NALF1: variants seen among roughly 807,000 people sequenced by gnomAD.
NALF1 encodes the protein NALCN channel auxiliary factor 1.
In NALF1, 3 loss-of-function variants were observed where a neutral mutation model predicts 48.4. The ratio of observed to expected loss-of-function variants is 0.06; its 90% CI spans 0.03 to 0.16. The LOEUF (loss-of-function observed/expected upper bound fraction) is 0.16. NALF1 is among the 10% of genes least tolerant of loss of function. The pLI is 1.00. For missense variants in NALF1, 526 were observed against 571.5 expected, an observed-to-expected ratio of 0.92 and a Z score of 0.81; for synonymous variants, 262 against 245.7, an observed-to-expected ratio of 1.07 and a Z score of -0.62.
rs563919548 is a variant in NALF1 at position 107,783,709 on chromosome 13, C to T, written c.915+81973G>A. 2.3e-3 allele frequency among the ~76,000 whole-genome samples: 343 copies of T among 151,760 alleles called. 4 individuals carry two copies. The highest frequency in any genetic ancestry group is 7.8e-3 in the African/African-American group (321 of 41,402). ...TCACCACTCCCTAATCTCAAGTACC[C>T]AGGGACACAAACACTGCGGAAGGCC... On this transcript the variant is annotated intron_variant, in intron 1 of 2. Coordinates refer to ENST00000375915, the MANE Select transcript of NALF1 (RefSeq NM_001080396.3).
At chr13:107,412,583 A>G (rs1405150939) in intron 1 of NALF1, among the ~76,000 whole-genome samples, 1 of 152,172 alleles carries the variant, frequency 6.6e-6, no homozygotes, top group Admixed American at 6.5e-5. Flanking sequence ...TGCTTGCTAT[A>G]TTTGTGCCCC....
rs114335258 is a variant in NALF1 at position 107,505,673 on chromosome 13, C to T, written c.916-294918G>A. Among the ~76,000 whole-genome samples the T allele has an allele frequency of 5.9e-3, 897 of 152,278 alleles. 8 individuals are homozygous for T. Among genetic ancestry groups the T allele is most frequent in the African/African-American group, 0.02 (845 of 41,572 alleles). ...GGGCAATGGAGATTAGGAGTCCCATCAGGCATGTGCAAAGCTTGAAGTGCC... is the reference window on the plus strand; with the variant it reads ...GGGCAATGGAGATTAGGAGTCCCATTAGGCATGTGCAAAGCTTGAAGTGCC... On this transcript the variant is annotated intron_variant, in intron 1 of 2. Coordinates refer to ENST00000375915, the MANE Select transcript of NALF1 (RefSeq NM_001080396.3).
chr13:107,783,384 G>A (rs972397741), intron 1 of NALF1, among the ~76,000 whole-genome samples: 9 of 152,040 alleles, frequency 5.9e-5, no homozygotes, highest in South Asian at 2.1e-4. Flanking sequence ...CATTGAGAAC[G>A]GGCCATGATG....
intron 1 of NALF1, among the ~76,000 whole-genome samples, chr13:107,529,050 T>C (rs1323662): frequency 0.81 from 123,530 of 152,090 alleles, 50,496 homozygotes; most frequent in South Asian, 0.87. Flanking sequence ...TGTTACTCAG[T>C]CTCACCTCTG....
At chr13:107,454,393 C>T (rs1884791374) in intron 1 of NALF1, among the ~76,000 whole-genome samples, 1 of 152,144 alleles carries the variant, frequency 6.6e-6, no homozygotes, top group South Asian at 2.1e-4. Flanking sequence ...AGCAAGGCAC[C>T]TTCTTCACTA....
At chr13:107,733,040 T>A (rs1206580102) in intron 1 of NALF1, among the ~76,000 whole-genome samples, 1 of 152,134 alleles carries the variant, frequency 6.6e-6, no homozygotes, top group African/African-American at 2.4e-5. Context: ...ATGTATGAAA[T>A]AAATCGGCAC....
intron 1 of NALF1, among the ~76,000 whole-genome samples, chr13:107,341,410 C>T (rs1048771001): frequency 6.6e-6 from 1 of 151,866 alleles, no homozygotes; most frequent in African/African-American, 2.4e-5. Flanking sequence ...CCTTGCATTG[C>T]TGTTAAGAGG....
intron 1 of NALF1, among the ~76,000 whole-genome samples, chr13:107,762,994 T>G (rs1877309551): frequency 6.6e-6 from 1 of 151,900 alleles, no homozygotes; most frequent in Admixed American, 6.6e-5. Context: ...GGACACCAGC[T>G]TTTGTGGAGG....
chr13:107,524,991 C>A (rs1211415880), intron 1 of NALF1, among the ~76,000 whole-genome samples: 1 of 151,982 alleles, frequency 6.6e-6, no homozygotes, highest in Non-Finnish European at 1.5e-5. Flanking sequence ...AGAGAGCTTC[C>A]AAGCTTCCAA....
At chr13:107,649,673 A>T (rs1389948971) in intron 1 of NALF1, among the ~76,000 whole-genome samples, 1 of 152,242 alleles carries the variant, frequency 6.6e-6, no homozygotes, top group African/African-American at 2.4e-5. Context: ...AAATAAAAAC[A>T]GTGTATCCTG....
At chr13:107,445,391 T>A (rs1884633153) in intron 1 of NALF1, among the ~76,000 whole-genome samples, 2 of 152,248 alleles carry the variant, frequency 1.3e-5, no homozygotes, top group Admixed American at 6.5e-5. Context: ...TTGACCTCCA[T>A]CCATTTGTAT....
At chr13:107,173,721 G>A (rs1013610636) in intron 2 of NALF1, among the ~76,000 whole-genome samples, 1 of 152,124 alleles carries the variant, frequency 6.6e-6, no homozygotes, top group Non-Finnish European at 1.5e-5. Flanking sequence ...TCATGAGGGC[G>A]AATTTCCAAG....
chr13:107,478,999 G>A (rs1594084912), intron 1 of NALF1, among the ~76,000 whole-genome samples: 2 of 152,182 alleles, frequency 1.3e-5, no homozygotes, highest in South Asian at 2.1e-4. Context: ...CAGAGCACCT[G>A]GCAAACCAGG....
chr13:107,742,353 T>G (rs1342921583), intron 1 of NALF1, among the ~76,000 whole-genome samples: 1 of 152,208 alleles, frequency 6.6e-6, no homozygotes, highest in Non-Finnish European at 1.5e-5. Flanking sequence ...CACTCACATG[T>G]CATCTTGAAT....
intron 2 of NALF1, among the ~76,000 whole-genome samples, chr13:107,209,664 A>C (rs1420047537): frequency 1.3e-5 from 2 of 152,162 alleles, no homozygotes; most frequent in Non-Finnish European, 2.9e-5. Context: ...TTAATATGCT[A>C]CTCTGTTTTA....
At chr13:107,628,512 G>C (rs1277802785) in intron 1 of NALF1, among the ~76,000 whole-genome samples, 2 of 152,094 alleles carry the variant, frequency 1.3e-5, no homozygotes, top group East Asian at 3.9e-4. Context: ...TTAGTTAGTA[G>C]GTTTCCACTC....
intron 1 of NALF1, among the ~76,000 whole-genome samples, chr13:107,487,895 T>C (rs760499858): frequency 4.0e-5 from 6 of 151,870 alleles, no homozygotes; most frequent in Non-Finnish European, 7.4e-5. Flanking sequence ...AGCTGTGAAT[T>C]TGTCTGGTCC....
intron 1 of NALF1, among the ~76,000 whole-genome samples, chr13:107,495,872 C>T (rs1417142368): frequency 6.6e-6 from 1 of 152,054 alleles, no homozygotes; most frequent in African/African-American, 2.4e-5. Flanking sequence ...AGAGTAAAAA[C>T]CAGAAACCTA....
intron 1 of NALF1, among the ~76,000 whole-genome samples, chr13:107,649,341 G>C (rs1409407776): frequency 6.6e-6 from 1 of 152,158 alleles, no homozygotes; most frequent in Non-Finnish European, 1.5e-5. Context: ...AGAAGCATAT[G>C]AATATGGAAT....
Sources: allele counts gnomAD v4.1 joint callset (sites outside exome capture counted in the v4.1 genomes callset), GRCh38; gene constraint gnomAD v4.1.1; transcripts MANE v1.5; gene names NCBI Gene and HGNC (gene_info 2026-07-23, HGNC 2026-07-21).